The following FGD4 variants were observed in gnomAD, a reference collection of about 807,000 sequenced individuals.
FGD4 encodes FYVE, RhoGEF and PH domain-containing protein 4.
FGD4 carries 42 observed loss-of-function variants against 102.0 expected under a neutral mutation model. The ratio of observed to expected loss-of-function variants is 0.41; its 90% CI spans 0.32 to 0.53. FGD4 has a LOEUF of 0.53. Ranked by LOEUF, FGD4 falls within the 20% of genes least tolerant of loss-of-function variation. The pLI is 0.21. For synonymous variants in FGD4, 380 were observed against 375.7 expected, an observed-to-expected ratio of 1.01 and a Z score of -0.13; for missense variants, 902 against 1,078.2, an observed-to-expected ratio of 0.84 and a Z score of 2.29.
chr12:32,546,205 G>T (rs995173293), intron 1 of FGD4, among the ~76,000 whole-genome samples: 2 of 152,172 alleles, frequency 1.3e-5, no homozygotes, highest in African/African-American at 4.8e-5. Flanking sequence ...TCCAGATTAT[G>T]AGCCTGTTTC....
At chr12:32,437,407 C>T (rs536475305) in intron 1 of FGD4, among the ~76,000 whole-genome samples, 95 of 152,308 alleles carry the variant, frequency 6.2e-4, no homozygotes, top group African/African-American at 2.1e-3. Context: ...TGGCTGAGCA[C>T]GGAGGCTCTT....
chr12:32,480,043 C>T lies in FGD4; in HGVS notation c.166+80084C>T, dbSNP rs866082369. On this transcript the variant is annotated intron_variant, in intron 1 of 16. Coordinates refer to ENST00000534526, the MANE Select transcript of FGD4 (RefSeq NM_001370298.3). ...CCAGGCTCAAGTGATCTGCCTGCCT[C>T]AGCCTTCCAAAGTGCTGAGATTACA... Among the ~76,000 whole-genome samples, 9 of 152,172 alleles carry T rather than the reference C, an allele frequency of 5.9e-5. 1 individual carries two copies. The Middle Eastern group carries it at 0.027, about 460-fold the overall frequency.
At chr12:32,591,814 G>A (rs1424376785) in intron 4 of FGD4, among the ~76,000 whole-genome samples, 11 of 152,304 alleles carry the variant, frequency 7.2e-5, no homozygotes, top group Middle Eastern at 3.4e-3. Context: ...CAACCAGGCC[G>A]AACCTAAGCC....
intron 4 of FGD4, among the ~76,000 whole-genome samples, chr12:32,589,721 TC>T (rs1329871655): frequency 6.6e-6 from 1 of 152,118 alleles, no homozygotes; most frequent in Non-Finnish European, 1.5e-5. Flanking sequence ...AACCTCTGTT[TC>T]CCCCTCCTCC....
chr12:32,552,848 G>T (rs537239792), intron 1 of FGD4, among the ~76,000 whole-genome samples: 1 of 151,262 alleles, frequency 6.6e-6, no homozygotes, highest in African/African-American at 2.4e-5. Context: ...CGCGATCTTG[G>T]CTCACCGCAA....
intron 1 of FGD4, among the ~76,000 whole-genome samples, chr12:32,527,802 A>G (rs1941409587): frequency 2.0e-5 from 3 of 152,092 alleles, no homozygotes; most frequent in African/African-American, 7.2e-5. Flanking sequence ...TACCAACTGA[A>G]ATCCTTATAG....
chr12:32,561,407 T>C (rs998423696), intron 1 of FGD4, among the ~76,000 whole-genome samples: 2 of 152,184 alleles, frequency 1.3e-5, no homozygotes, highest in African/African-American at 2.4e-5. Flanking sequence ...TTCTAATCAA[T>C]ATTATTTAAT....
intron 2 of FGD4, among the ~76,000 whole-genome samples, chr12:32,565,495 T>G (rs1945116948): frequency 6.6e-6 from 1 of 152,210 alleles, no homozygotes; most frequent in African/African-American, 2.4e-5. Flanking sequence ...TTTCGCCCAT[T>G]AGACCCGAGT....
rs541211285 is a variant in FGD4 at position 32,511,759 on chromosome 12, C to T, written c.167-52378C>T. ...ATAAAGGAACAAGGACTTTTAGTCT[C>T]ACTGTGTGTTGTGTGGTCATCTTTT... On this transcript the variant is annotated intron_variant, in intron 1 of 16. Coordinates refer to ENST00000534526, the MANE Select transcript of FGD4 (RefSeq NM_001370298.3). 4 of 152,210 alleles carry T rather than the reference C, an allele frequency of 2.6e-5. No homozygotes were observed. The South Asian group carries it at 8.3e-4, about 32-fold the overall frequency. The allele number at this position is 152,210 out of a possible 1,614,324, so 9.4% of individuals were successfully genotyped here.
intron 1 of FGD4, among the ~76,000 whole-genome samples, chr12:32,546,154 C>T (rs1439178951): frequency 1.3e-5 from 2 of 152,218 alleles, no homozygotes; most frequent in African/African-American, 4.8e-5. Context: ...TAAACAAATG[C>T]TAATGGGTTC....
At chr12:32,628,302 A>G (rs1328810597) in intron 14 of FGD4, among the ~76,000 whole-genome samples, 1 of 152,106 alleles carries the variant, frequency 6.6e-6, no homozygotes, top group Non-Finnish European at 1.5e-5. Context: ...TTTGAAGGCA[A>G]GAAAAGAGTC....
At chr12:32,534,400 T>G (rs1942060120) in intron 1 of FGD4, 1 of 1,500,456 alleles carries the variant, frequency 6.7e-7, no homozygotes, top group Non-Finnish European at 8.8e-7. Flanking sequence ...GGAGTGAGAT[T>G]TTATCACATG....
In FGD4 at chr12:32,642,941, T is replaced by C. The variant is rs1951235753; in HGVS notation, c.*2408T>C. 1 of 152,524 alleles carries C rather than the reference T, an allele frequency of 6.6e-6. No individual in the cohort carries two copies. The highest frequency in any genetic ancestry group is 1.5e-5 in the Non-Finnish European group (1 of 67,942). The allele number at this position is 152,524 out of a possible 1,614,324, so 9.4% of individuals were successfully genotyped here. On this transcript the variant is annotated 3_prime_UTR_variant, in exon 17 of 17. Transcript: ENST00000534526. ...AATCAATGCCTTTTCCCTTCCAACATACTTGAGCAGTCATGACAACCTAAA... is the reference window on the plus strand; with the variant it reads ...AATCAATGCCTTTTCCCTTCCAACACACTTGAGCAGTCATGACAACCTAAA...
intron 1 of FGD4, among the ~76,000 whole-genome samples, chr12:32,427,158 G>T (rs1941866891): frequency 6.6e-6 from 1 of 151,798 alleles, no homozygotes; most frequent in Non-Finnish European, 1.5e-5. Context: ...TGTGATTTTA[G>T]GGTGTCGATT....
At chr12:32,554,811 C>T (rs78216880) in intron 1 of FGD4, among the ~76,000 whole-genome samples, 4 of 152,284 alleles carry the variant, frequency 2.6e-5, no homozygotes, top group South Asian at 4.1e-4. Context: ...GTAGTTTGCT[C>T]GGCCTGTTGG....
chr12:32,489,473 G>A (rs1046520196), intron 1 of FGD4, among the ~76,000 whole-genome samples: 5 of 152,208 alleles, frequency 3.3e-5, no homozygotes, highest in African/African-American at 4.8e-5. Flanking sequence ...GGAAGTTCAC[G>A]TATATTCAAT....
rs1245510421 is a variant in FGD4 at position 32,600,588 on chromosome 12, C to CTTT, written c.1102-689_1102-687dup. 404 of 257,772 alleles carry CTTT rather than the reference C, an allele frequency of 1.6e-3. 9 individuals are homozygous for CTTT. The highest frequency in any genetic ancestry group is 0.013 in the African/African-American group (357 of 28,126). The allele number at this position is 257,772 out of a possible 1,614,324, so 16.0% of individuals were successfully genotyped here. On this transcript the variant is annotated intron_variant, in intron 5 of 16. Coordinates refer to ENST00000534526, the MANE Select transcript of FGD4 (RefSeq NM_001370298.3). ...TTTGTTTTTCTTTCTTTCTTTCTTT[C>CTTT]TTTCTTTTTTTTTTTTTTGTCTTCA...
rs535519050 is a variant in FGD4 at position 32,642,732 on chromosome 12, A to G, written c.*2199A>G. 6 of 152,270 alleles carry G rather than the reference A, an allele frequency of 3.9e-5. No homozygotes were observed. The highest frequency in any genetic ancestry group is 8.8e-5 in the Non-Finnish European group (6 of 67,928). The allele number at this position is 152,270 out of a possible 1,614,324, so 9.4% of individuals were successfully genotyped here. A position where few individuals can be genotyped will look rare whatever the true frequency, so the allele number is the denominator to read the frequency against. ...GAGAATTTCTGGTTATCCGGTCACC[A>G]TATTCACTTTCCACCCCACATTCTT... On this transcript the variant is annotated 3_prime_UTR_variant, in exon 17 of 17. Coordinates refer to ENST00000534526, the MANE Select transcript of FGD4 (RefSeq NM_001370298.3).
intron 1 of FGD4, among the ~76,000 whole-genome samples, chr12:32,440,007 C>T (rs1243988910): frequency 1.3e-5 from 2 of 152,066 alleles, no homozygotes; most frequent in Non-Finnish European, 2.9e-5. Flanking sequence ...TTAATTATTT[C>T]AATCTCCGTT....
Sources: gnomAD v4.1 joint callset for allele counts (sites outside exome capture counted in the v4.1 genomes callset) on GRCh38, gnomAD v4.1.1 for gene constraint, MANE v1.5 for transcripts, NCBI Gene and HGNC (gene_info 2026-07-23, HGNC 2026-07-21) for gene names.